The following GOLGA2 variants were observed in gnomAD, a reference collection of about 807,000 sequenced individuals.
The protein encoded by GOLGA2 is golgin subfamily A member 2.
Under a neutral mutation model 148.8 loss-of-function variants are expected in GOLGA2, and 49 were observed. The observed-to-expected ratio is 0.33, with a 90% CI of 0.26 to 0.42. GOLGA2 has a LOEUF of 0.42. GOLGA2 is among the 10% of genes least tolerant of loss of function. The probability of loss-of-function intolerance (pLI) is 1.00; values close to 1 mark genes in which losing one functional copy is unlikely to be tolerated. For synonymous variants in GOLGA2, 501 were observed against 511.8 expected, an observed-to-expected ratio of 0.98 and a Z score of 0.28; for missense variants, 1,178 against 1,304.6, an observed-to-expected ratio of 0.90 and a Z score of 1.49.
chr9:128,275,294 T>C, intron 1 of GOLGA2: 1 of 773,278 alleles, frequency 1.3e-6, no homozygotes, highest in Non-Finnish European at 1.9e-6. Context: ...GACTGGGTCC[T>C]AAGATCAAAG....
chr9:128,258,292 G>C lies in GOLGA2; in HGVS notation c.2290-94C>G. ...AGCCCTTCCCTTGGGGCCTCAGAGG[G>C]TGCACTTGTTGGTCCCAAGTGAAAT... On this transcript the variant is annotated intron_variant, in intron 22 of 26. Transcript: ENST00000611957. This position sits in a 1 kb window ranked among gnomAD's most constrained non-coding sequence, Gnocchi z 6.6. The C allele has an allele frequency of 8.6e-7, 1 of 1,165,808 alleles. No homozygotes were observed. Among genetic ancestry groups the C allele is most frequent in the Non-Finnish European group, 1.2e-6 (1 of 804,866 alleles). 72.2% of individuals were successfully genotyped at this position (1,165,808 alleles called of 1,614,324 possible). A position where few individuals can be genotyped will look rare whatever the true frequency, so the allele number is the denominator to read the frequency against.
Position 128,268,159 on chromosome 9 carries a change from T to C in GOLGA2, c.395A>G (p.Asn132Ser). The C allele has an allele frequency of 6.2e-7, 1 of 1,613,072 alleles. No individual in the cohort carries two copies. The highest frequency in any genetic ancestry group is 8.5e-7 in the Non-Finnish European group (1 of 1,179,062). ...ASLTSMAASQNHDADNVPNLM... is the reference protein window; with the variant it reads ...ASLTSMAASQSHDADNVPNLM... ...ATTAGGGACATTGTCAGCATCATGATTCTGTTTGGGAAGAAACGTGTGAGA... is the reference window on the plus strand; with the variant it reads ...ATTAGGGACATTGTCAGCATCATGACTCTGTTTGGGAAGAAACGTGTGAGA... The change falls in exon 5 of 27, where the codon AAT becomes AGT. Residue 132 changes from asparagine to serine, a missense_variant and splice_region_variant. Coordinates refer to ENST00000611957, the MANE Select transcript of GOLGA2 (RefSeq NM_001366244.2).
intron 7 of GOLGA2, 30 bp downstream of exon 7, chr9:128,267,428 G>A: frequency 1.3e-6 from 2 of 1,592,788 alleles, no homozygotes; most frequent in South Asian, 2.2e-5. Flanking sequence ...GGCCTGCAGG[G>A]TCACTGGGCC....
Position 128,258,614 on chromosome 9 carries a change from T to C in GOLGA2, c.2174-44A>G, listed in dbSNP as rs1830059584. 1 of 1,443,704 alleles carries C rather than the reference T, an allele frequency of 6.9e-7. No individual in the cohort carries two copies. Among genetic ancestry groups the C allele is most frequent in the African/African-American group, 1.4e-5 (1 of 69,960 alleles). 89.4% of individuals were successfully genotyped at this position (1,443,704 alleles called of 1,614,324 possible). A position where few individuals can be genotyped will look rare whatever the true frequency, so the allele number is the denominator to read the frequency against. ...GGGTCATCAGACAACCCAACAAGGGTACAGTGGGCCCACCTCTGCCCCCAC... is the reference window on the plus strand; with the variant it reads ...GGGTCATCAGACAACCCAACAAGGGCACAGTGGGCCCACCTCTGCCCCCAC... On this transcript the variant is annotated intron_variant, in intron 21 of 26. Coordinates refer to ENST00000611957, the MANE Select transcript of GOLGA2 (RefSeq NM_001366244.2). The surrounding 1 kb of genome is among the most constrained non-coding windows in gnomAD (Gnocchi z 6.6).
In GOLGA2 at chr9:128,266,168, T is replaced by TG. The variant is rs148978009; in HGVS notation, c.681+118dup. ...GACCCTGTGGGGATGGGGTGGAATC[T>TG]GGGGGGGTGAGCCTTCTTCCCCAGG... On this transcript the variant is annotated intron_variant, in intron 9 of 26. Transcript: ENST00000611957. The surrounding 1 kb of genome is among the most constrained non-coding windows in gnomAD (Gnocchi z 4.2). The TG allele has an allele frequency of 8.1e-5, 111 of 1,372,018 alleles. No homozygotes were observed. Among genetic ancestry groups the TG allele is most frequent in the South Asian group, 3.3e-4 (28 of 86,062 alleles). The allele number at this position is 1,372,018 out of a possible 1,614,324, so 85.0% of individuals were successfully genotyped here. A position where few individuals can be genotyped will look rare whatever the true frequency, so the allele number is the denominator to read the frequency against.
chr9:128,260,247 C>T lies in GOLGA2; in HGVS notation c.1759-58G>A. The T allele has an allele frequency of 1.4e-6, 2 of 1,388,432 alleles. No individual in the cohort carries two copies. The highest frequency in any genetic ancestry group is 1.2e-5 in the South Asian group (1 of 86,832). The allele number at this position is 1,388,432 out of a possible 1,614,324, so 86.0% of individuals were successfully genotyped here. A position where few individuals can be genotyped will look rare whatever the true frequency, so the allele number is the denominator to read the frequency against. On this transcript the variant is annotated intron_variant, in intron 18 of 26. Transcript: ENST00000611957. This position sits in a 1 kb window ranked among gnomAD's most constrained non-coding sequence, Gnocchi z 4.8. ...CTGCAGCTGGAGACCCCAGAACTTG[C>T]TGCCTTGGTGTCTGCCTCCCATGGC...
intron 1 of GOLGA2, 102 bp from the exon 2 acceptor site, chr9:128,274,074 T>G: frequency 9.5e-7 from 1 of 1,054,404 alleles, no homozygotes; most frequent in East Asian, 2.4e-5. Flanking sequence ...CCATCTGATT[T>G]AATGCCACTA....
At chr9:128,259,958 G>A (rs940898192) in intron 19 of GOLGA2, 118 bp downstream of exon 19, 5 of 743,994 alleles carry the variant, frequency 6.7e-6, no homozygotes, top group Non-Finnish European at 1.2e-5. Flanking sequence ...TCACAGGACT[G>A]CCCTGGAGGG....
chr9:128,272,321 T>C (rs1831005639), intron 3 of GOLGA2, among the ~76,000 whole-genome samples: 1 of 151,654 alleles, frequency 6.6e-6, no homozygotes, highest in Non-Finnish European at 1.5e-5. Flanking sequence ...CCATCTCTAC[T>C]AAAAATACAA....
intron 1 of GOLGA2, chr9:128,275,438 A>AG (rs1831262870): frequency 7.7e-7 from 1 of 1,301,536 alleles, no homozygotes; most frequent in Admixed American, 3.9e-5. Flanking sequence ...GCCAGGACCC[A>AG]GGTCCTTGGA....
rs555217790 is a variant in GOLGA2 at position 128,260,314 on chromosome 9, C to T, written c.1759-125G>A. The T allele has an allele frequency of 2.7e-6, 3 of 1,095,810 alleles. No homozygotes were observed. The South Asian group carries it at 3.8e-5, about 14-fold the overall frequency. The allele number at this position is 1,095,810 out of a possible 1,614,324, so 67.9% of individuals were successfully genotyped here. A position where few individuals can be genotyped will look rare whatever the true frequency, so the allele number is the denominator to read the frequency against. ...GCAGGTTAGAAAAATCATCCCCTCT[C>T]CCCCACAGCCATCGGAGCAGGGCTC... is the stretch of plus-strand genomic sequence containing the variant. On this transcript the variant is annotated intron_variant, in intron 18 of 26. Coordinates refer to ENST00000611957, the MANE Select transcript of GOLGA2 (RefSeq NM_001366244.2). The surrounding 1 kb of genome is among the most constrained non-coding windows in gnomAD (Gnocchi z 4.8).
Position 128,263,034 on chromosome 9 carries a change from G to C in GOLGA2, c.992C>G (p.Thr331Ser), listed in dbSNP as rs748279738. Residue 331 changes from threonine (T) to serine (S), a missense_variant and splice_region_variant, in exon 13 of 27, where the codon ACC becomes AGC. By Grantham distance (58) the Thr-to-Ser change is moderately conservative (BLOSUM62 1). Around this residue, in one of 5 missense-constraint regions of GOLGA2, gnomAD observed 304 missense variants for 404.1 expected, o/e 0.75. Coordinates refer to ENST00000611957, the MANE Select transcript of GOLGA2 (RefSeq NM_001366244.2). ...DALRLELYKN[T>S]QSNEDLKQEK... is the part of the protein sequence containing the mutation. Reference sequence around the variant, plus strand: ...CCCATCCCACCATCCCCCATCCTACGTGTTCTTGTATAACTCCAGCCTGAG... The same window carrying C: ...CCCATCCCACCATCCCCCATCCTACCTGTTCTTGTATAACTCCAGCCTGAG... 20 of 1,597,614 alleles carry C rather than the reference G, an allele frequency of 1.3e-5. No individual in the cohort carries two copies. Among genetic ancestry groups the C allele is most frequent in the Non-Finnish European group, 1.4e-5 (16 of 1,166,630 alleles).
chr9:128,272,103 C>CT (rs1830989996), intron 3 of GOLGA2, among the ~76,000 whole-genome samples: 1 of 148,532 alleles, frequency 6.7e-6, no homozygotes, highest in South Asian at 2.1e-4. Flanking sequence ...AGGGTAAAAC[C>CT]TAAAGGTCTG....
chr9:128,266,113 C>G lies in GOLGA2; in HGVS notation c.682-93G>C. On this transcript the variant is annotated intron_variant, in intron 9 of 26. Coordinates refer to ENST00000611957, the MANE Select transcript of GOLGA2 (RefSeq NM_001366244.2). The surrounding 1 kb of genome is among the most constrained non-coding windows in gnomAD (Gnocchi z 4.2). The stretch of plus-strand genomic sequence containing the variant: ...CCAGAATGCCACCAATGTCCCAGGA[C>G]AGGCCCACCCATGGGACCAGGTTAT... 1.4e-6 allele frequency: 2 copies of G among 1,389,216 alleles called. No homozygotes were observed. The highest frequency in any genetic ancestry group is 2.3e-5 in the East Asian group (1 of 43,850). 86.1% of individuals were successfully genotyped at this position (1,389,216 alleles called of 1,614,324 possible).
rs1471572911 is a variant in GOLGA2 at position 128,266,302 on chromosome 9, C to T, written c.666G>A (p.Thr222=). The change falls in exon 9 of 27, where the codon ACG becomes ACA. Residue 222 remains threonine (T), a synonymous_variant. Transcript: ENST00000611957. This position sits in a 1 kb window ranked among gnomAD's most constrained non-coding sequence, Gnocchi z 4.2. The part of the protein sequence containing the change: ...EKLKQQNQEI[T]DQLEEEKKEC... ...ATCACGTTACTTCTTCCAACTGATC[C>T]GTAATTTCTTGGTTCTGTTGTTTCT... 8 of 1,613,136 alleles carry T rather than the reference C, an allele frequency of 5.0e-6. No individual in the cohort carries two copies. Among genetic ancestry groups the T allele is most frequent in the Non-Finnish European group, 6.8e-6 (8 of 1,179,402 alleles).
At position 128,260,725 on chromosome 9, in the gene GOLGA2, G is replaced by A. The variant is rs376675493; in HGVS notation, c.1498C>T (p.Arg500Trp). Reference protein sequence around the residue: ...QQLQAEAEHLRKELEGLAGQL... With the variant: ...QQLQAEAEHLWKELEGLAGQL... ...CCTGCCAGACCCTCCAGCTCCTTCC[G>A]CAGGTGCTCAGCCTCCGCTTGTAGC... The change falls in exon 18 of 27, where the codon CGG (arginine) becomes TGG (tryptophan). Residue 500 changes from arginine (R) to tryptophan (W), a missense_variant. Around this residue, in one of 5 missense-constraint regions of GOLGA2, gnomAD observed 529 missense variants for 521.8 expected, o/e 1.01. Transcript: ENST00000611957. The surrounding 1 kb of genome is among the most constrained non-coding windows in gnomAD (Gnocchi z 4.8). 1.4e-5 allele frequency: 22 copies of A among 1,613,122 alleles called. No individual in the cohort carries two copies. Among genetic ancestry groups the A allele is most frequent in the Admixed American group, 6.7e-5 (4 of 59,988 alleles).
chr9:128,264,897 A>C (rs563197244), intron 12 of GOLGA2, among the ~76,000 whole-genome samples: 1 of 152,188 alleles, frequency 6.6e-6, no homozygotes, highest in Admixed American at 6.5e-5. Flanking sequence ...AGTTACTATT[A>C]TTACCTCTAT....
Position 128,266,353 on chromosome 9 carries a change from C to T in GOLGA2, c.643-28G>A. 3 of 1,606,202 alleles carry T rather than the reference C, an allele frequency of 1.9e-6. No individual in the cohort carries two copies. The highest frequency in any genetic ancestry group is 2.6e-6 in the Non-Finnish European group (3 of 1,174,086). ...GTGGGGAAGAGTCAAAGGAAGGTGA[C>T]TGAGGGTGGCCCCCTCAACTCTATT... is the stretch of plus-strand genomic sequence containing the variant. On this transcript the variant is annotated intron_variant, in intron 8 of 26. Transcript: ENST00000611957. This position sits in a 1 kb window ranked among gnomAD's most constrained non-coding sequence, Gnocchi z 4.2.
At position 128,259,406 on chromosome 9, in the gene GOLGA2, TG is replaced by T; in HGVS notation, c.1873-16del. 1 of 1,526,710 alleles carries T rather than the reference TG, an allele frequency of 6.6e-7. No homozygotes were observed. The allele number at this position is 1,526,710 out of a possible 1,614,324, so 94.6% of individuals were successfully genotyped here. Reference sequence around the variant, plus strand: ...TTCAGCTCCACCTGTAGGAAGACCCTGGGCGTGAGGGCAGGTGGTGGCCTGC... The same window carrying T: ...TTCAGCTCCACCTGTAGGAAGACCCTGGCGTGAGGGCAGGTGGTGGCCTGC... On this transcript the variant is annotated splice_polypyrimidine_tract_variant and intron_variant, in intron 19 of 26. Transcript: ENST00000611957.
Sources: allele counts gnomAD v4.1 joint callset (sites outside exome capture counted in the v4.1 genomes callset), GRCh38; gene constraint gnomAD v4.1.1; regional missense constraint gnomAD v4.1.1; non-coding constraint Gnocchi (gnomAD v3.1); transcripts MANE v1.5; gene names NCBI Gene and HGNC (gene_info 2026-07-23, HGNC 2026-07-21).